THEM6: variants seen among roughly 807,000 people sequenced by gnomAD.
THEM6 encodes protein THEM6.
In THEM6, 10 loss-of-function variants were observed where a neutral mutation model predicts 13.7. That is an observed-to-expected ratio of 0.73 (90% confidence interval 0.45 to 1.24). THEM6 has a LOEUF of 1.24. Ranked by LOEUF, THEM6 falls within the 50% of genes most tolerant of loss-of-function variation. The pLI is 0.00. For synonymous variants in THEM6, 161 were observed against 156.0 expected (o/e 1.03, Z -0.24); for missense variants, 317 against 312.6 (o/e 1.01, Z -0.11).
chr8:142,735,130 G>T (rs367909488), intron 1 of THEM6, 196 bp from the exon 2 acceptor site: 3 of 580,512 alleles, frequency 5.2e-6, no homozygotes, highest in East Asian at 5.7e-5. Flanking sequence ...AGACGGGCCA[G>T]GCACAAGCGG....
At chr8:142,730,237 C>G (rs183713212) in intron 1 of THEM6, among the ~76,000 whole-genome samples, 3 of 151,008 alleles carry the variant, frequency 2.0e-5, no homozygotes, top group Non-Finnish European at 4.4e-5. Flanking sequence ...TTTTTCTTGG[C>G]TCTGCGGATG....
At position 142,735,371 on chromosome 8, in the gene THEM6, T is replaced by A; in HGVS notation, c.559T>A (p.Tyr187Asn). The change falls in exon 2 of 2, where the codon TAC becomes AAC. Residue 187 changes from tyrosine to asparagine, a missense_variant. Tyr to Asn is a moderately radical substitution (Grantham distance 143, BLOSUM62 -2). Transcript: ENST00000336138. ...CGCTGATCTGCAGCACTGGATCTCC[T>A]ACAACGAGGCCAGCAGCCAGCTGCT... ...LPADLQHWISYNEASSQLLRM... is the reference protein window; with the variant it reads ...LPADLQHWISNNEASSQLLRM... 6.3e-7 allele frequency: 1 copy of A among 1,579,836 alleles called. No homozygotes were observed. Among genetic ancestry groups the A allele is most frequent in the Non-Finnish European group, 8.6e-7 (1 of 1,163,094 alleles).
chr8:142,735,262 G>A, intron 1 of THEM6, 64 bp from the exon 2 acceptor site: 1 of 1,239,590 alleles, frequency 8.1e-7, no homozygotes, highest in Non-Finnish European at 1.2e-6. Flanking sequence ...GGAGCAGTGT[G>A]GGCAGCGGCC....
rs1472983274 is a variant in THEM6, at chr8:142,735,970, G to C, written c.*531G>C. ...CTGAGGTGGTTGCAGGCCTGGGGCA[G>C]AGCCTGGGTGGTCAGAGGCCGGGGC... On this transcript the variant is annotated 3_prime_UTR_variant, in exon 2 of 2. Coordinates refer to ENST00000336138, the MANE Select transcript of THEM6 (RefSeq NM_016647.3). The C allele has an allele frequency of 6.5e-6, 1 of 153,862 alleles. No homozygotes were observed. Among genetic ancestry groups the C allele is most frequent in the Non-Finnish European group, 1.5e-5 (1 of 68,902 alleles). The allele number at this position is 153,862 out of a possible 1,614,324, so 9.5% of individuals were successfully genotyped here. A position where few individuals can be genotyped will look rare whatever the true frequency, so the allele number is the denominator to read the frequency against.
intron 1 of THEM6, chr8:142,735,025 CCT>C (rs1815728147): frequency 5.3e-6 from 2 of 373,900 alleles, no homozygotes; most frequent in East Asian, 4.9e-5. Flanking sequence ...CCCTCTGTCC[CCT>C]GTCACCCTGA....
At chr8:142,732,714 T>TC (rs1239198887) in intron 1 of THEM6, among the ~76,000 whole-genome samples, 2 of 151,024 alleles carry the variant, frequency 1.3e-5, no homozygotes, top group South Asian at 2.1e-4. Context: ...CCAGTTTCTT[T>TC]TTTTTTTTTT....
intron 1 of THEM6, among the ~76,000 whole-genome samples, chr8:142,728,963 G>A (rs1815584564): frequency 8.4e-6 from 1 of 118,512 alleles, no homozygotes; most frequent in Non-Finnish European, 1.7e-5. Context: ...TTTTTCAGAC[G>A]GATTCTCACT....
At chr8:142,729,001 G>T (rs1228798708) in intron 1 of THEM6, among the ~76,000 whole-genome samples, 1 of 143,662 alleles carries the variant, frequency 7.0e-6, no homozygotes, top group African/African-American at 2.6e-5. Context: ...GTGCAGTGGC[G>T]TGATCTCGGC....
chr8:142,727,433 C>G lies in THEM6; in HGVS notation c.87C>G (p.Cys29Trp). ...LDVWYLVRLP[C>W]AVLRARLLQP... ...TCTGGTACCTGGTGCGCCTTCCGTG[C>G]GCCGTGCTGCGCGCGCGCCTGCTGC... Residue 29 changes from cysteine (C) to tryptophan (W), a missense_variant, in exon 1 of 2, where the codon TGC (cysteine) becomes TGG (tryptophan). Physicochemically the swap from Cys to Trp is radical, Grantham distance 215 (BLOSUM62 -2). Coordinates refer to ENST00000336138, the MANE Select transcript of THEM6 (RefSeq NM_016647.3). 6.5e-7 allele frequency: 1 copy of G among 1,547,978 alleles called. No individual in the cohort carries two copies. Among genetic ancestry groups the G allele is most frequent in the Non-Finnish European group, 8.7e-7 (1 of 1,154,226 alleles).
intron 1 of THEM6, among the ~76,000 whole-genome samples, chr8:142,733,387 A>G (rs1815693735): frequency 6.6e-6 from 1 of 152,258 alleles, no homozygotes; most frequent in Admixed American, 6.5e-5. Flanking sequence ...AGGTCTTTGA[A>G]TAAATTTTGC....
In THEM6 at chr8:142,735,585, G is replaced by C. The variant is rs1815741550; in HGVS notation, c.*146G>C. 1 of 646,070 alleles carries C rather than the reference G, an allele frequency of 1.5e-6. No individual in the cohort carries two copies. Among genetic ancestry groups the C allele is most frequent in the South Asian group, 1.8e-5 (1 of 56,962 alleles). The allele number at this position is 646,070 out of a possible 1,614,324, so 40.0% of individuals were successfully genotyped here. ...CTGCTCCACCCACTGGGCCCCCCCAGTTATTGATACCCCTCTGTGCTGGGC... is the reference window on the plus strand; with the variant it reads ...CTGCTCCACCCACTGGGCCCCCCCACTTATTGATACCCCTCTGTGCTGGGC... On this transcript the variant is annotated 3_prime_UTR_variant, in exon 2 of 2. Transcript: ENST00000336138.
chr8:142,732,010 T>C (rs1815655379), intron 1 of THEM6, among the ~76,000 whole-genome samples: 1 of 151,126 alleles, frequency 6.6e-6, no homozygotes, highest in South Asian at 2.1e-4. Context: ...CTCCTAGTTC[T>C]TTTTCCTGTC....
At position 142,735,698 on chromosome 8, in the gene THEM6, G is replaced by A; in HGVS notation, c.*259G>A. On this transcript the variant is annotated 3_prime_UTR_variant, in exon 2 of 2. Transcript: ENST00000336138. ...GGATGGATGGGCAAAGGAGAGTCCTGCCTGGCCCTACGATGAGGCCACTCA... is the reference window on the plus strand; with the variant it reads ...GGATGGATGGGCAAAGGAGAGTCCTACCTGGCCCTACGATGAGGCCACTCA... 2.0e-6 allele frequency: 1 copy of A among 491,516 alleles called. No individual in the cohort carries two copies. The highest frequency in any genetic ancestry group is 3.7e-6 in the Non-Finnish European group (1 of 267,560). 30.4% of individuals were successfully genotyped at this position (491,516 alleles called of 1,614,324 possible). A position where few individuals can be genotyped will look rare whatever the true frequency, so the allele number is the denominator to read the frequency against.
At chr8:142,729,922 G>A (rs1390946244) in intron 1 of THEM6, among the ~76,000 whole-genome samples, 5 of 152,184 alleles carry the variant, frequency 3.3e-5, no homozygotes, top group Non-Finnish European at 5.9e-5. Flanking sequence ...AGGTCATTAC[G>A]ATAATGAGAG....
rs1449385324 is a variant in THEM6, at chr8:142,736,023, C to G, written c.*584C>G. The stretch of plus-strand genomic sequence containing the variant: ...GAGGCAGATGGAAGGGAGGCATTTG[C>G]TGACAGAGGACGGGGCACCCGGGCT... On this transcript the variant is annotated 3_prime_UTR_variant, in exon 2 of 2. Transcript: ENST00000336138. The G allele has an allele frequency of 2.0e-5, 3 of 153,192 alleles. No homozygotes were observed. The highest frequency in any genetic ancestry group is 7.2e-5 in the African/African-American group (3 of 41,404). 9.5% of individuals were successfully genotyped at this position (153,192 alleles called of 1,614,324 possible).
chr8:142,728,234 G>A (rs1482014134), intron 1 of THEM6, among the ~76,000 whole-genome samples: 1 of 152,196 alleles, frequency 6.6e-6, no homozygotes, highest in East Asian at 1.9e-4. Context: ...AGGTTGGAGA[G>A]GTGATCAGTT....
chr8:142,727,556 C>A lies in THEM6; in HGVS notation c.210C>A (p.Tyr70Ter). The A allele has an allele frequency of 6.4e-7, 1 of 1,554,562 alleles. No homozygotes were observed. The change falls in exon 1 of 2, where the codon TAC (tyrosine) becomes TAA (stop). Residue 70 changes from tyrosine to a stop codon, truncating the protein, a stop_gained. Coordinates refer to ENST00000336138, the MANE Select transcript of THEM6 (RefSeq NM_016647.3). LOFTEE classifies it high-confidence loss of function. The part of the protein sequence containing the change: ...DLLLHMNNAR[Y>*]LREADFARVA... ...TGCTGCACATGAACAACGCGCGCTACCTGCGCGAGGCCGACTTTGCGCGCG... is the reference window on the plus strand; with the variant it reads ...TGCTGCACATGAACAACGCGCGCTAACTGCGCGAGGCCGACTTTGCGCGCG...
In THEM6 at chr8:142,727,421, G is replaced by A; in HGVS notation, c.75G>A (p.Val25=). The part of the protein sequence containing the change: ...VFALLDVWYL[V]RLPCAVLRAR... ...CGCTGCTGGACGTCTGGTACCTGGT[G>A]CGCCTTCCGTGCGCCGTGCTGCGCG... Residue 25 remains valine (V), a synonymous_variant, in exon 1 of 2, where the codon GTG becomes GTA. Transcript: ENST00000336138. 1 of 1,540,766 alleles carries A rather than the reference G, an allele frequency of 6.5e-7. No homozygotes were observed. Among genetic ancestry groups the A allele is most frequent in the Non-Finnish European group, 8.7e-7 (1 of 1,150,266 alleles).
chr8:142,732,382 C>T lies in THEM6; in HGVS notation c.514-2944C>T, dbSNP rs992699141. On this transcript the variant is annotated intron_variant, in intron 1 of 1. Coordinates refer to ENST00000336138, the MANE Select transcript of THEM6 (RefSeq NM_016647.3). ...TGTGTTGTCCTCTCTGGTCGCCCCCCCAAGGGAGAATTAGGCCCCTCTTAG... is the reference window on the plus strand; with the variant it reads ...TGTGTTGTCCTCTCTGGTCGCCCCCTCAAGGGAGAATTAGGCCCCTCTTAG... Among the ~76,000 whole-genome samples, 13 of 151,012 alleles carry T rather than the reference C, an allele frequency of 8.6e-5. 1 individual carries two copies. In the South Asian group the frequency reaches 2.7e-3, roughly 32 times the overall value.
Sources: allele counts gnomAD v4.1 joint callset (sites outside exome capture counted in the v4.1 genomes callset), GRCh38; gene constraint gnomAD v4.1.1; transcripts MANE v1.5; gene names NCBI Gene and HGNC (gene_info 2026-07-23, HGNC 2026-07-21).